Variants in ATXN7 observed in about 807,000 individuals in gnomAD.
The protein encoded by ATXN7 is ataxin 7, also known as ataxin-7.
ATXN7 carries 12 observed loss-of-function variants against 70.5 expected under a neutral mutation model. The ratio of observed to expected loss-of-function variants is 0.17; its 90% CI spans 0.11 to 0.28. ATXN7 has a LOEUF of 0.28. Among genes scored for constraint, ATXN7 ranks in the 10% least tolerant of loss-of-function variants. ATXN7 has a pLI of 1.00. For synonymous variants in ATXN7, 498 were observed against 448.7 expected, an observed-to-expected ratio of 1.11 and a Z score of -1.39; for missense variants, 1,256 against 1,131.7, an observed-to-expected ratio of 1.11 and a Z score of -1.58.
chr3:63,915,496 G>A (rs992537032), intron 4 of ATXN7, among the ~76,000 whole-genome samples: 1 of 152,164 alleles, frequency 6.6e-6, no homozygotes, highest in Non-Finnish European at 1.5e-5. Context: ...CTTCAGAAAT[G>A]AAAATACATT....
rs112104834 is a variant in ATXN7, at chr3:63,881,370, C to T, written c.-110-17029C>T. Among the ~76,000 whole-genome samples the T allele has an allele frequency of 4.6e-3, 701 of 152,206 alleles. 2 individuals are homozygous for T. The highest frequency in any genetic ancestry group is 7.8e-3 in the Non-Finnish European group (528 of 68,016). On this transcript the variant is annotated intron_variant, in intron 1 of 12. Coordinates refer to ENST00000674280, the MANE Select transcript of ATXN7 (RefSeq NM_001377405.1). ...CTGCCTATTTGAAGAGATAAGTGAC[C>T]TCTAAACTGATTTCTGAAGAAGTTA... is the stretch of plus-strand genomic sequence containing the variant.
intron 4 of ATXN7, among the ~76,000 whole-genome samples, chr3:63,951,122 A>G (rs1432580351): frequency 1.3e-5 from 2 of 152,102 alleles, no homozygotes; most frequent in Non-Finnish European, 1.5e-5. Context: ...TGTAGAAACT[A>G]CTCGGTGCTG....
At position 63,940,285 on chromosome 3, in the gene ATXN7, T is replaced by TCACACACACA. The variant is rs34660611; in HGVS notation, c.395-12061_395-12052dup. 2.1e-3 allele frequency among the ~76,000 whole-genome samples: 304 copies of TCACACACACA among 141,514 alleles called. 1 individual carries two copies. The highest frequency in any genetic ancestry group is 7.2e-3 in the African/African-American group (274 of 37,830). 92.8% of individuals were successfully genotyped at this position (141,514 alleles called of 152,430 possible). On this transcript the variant is annotated intron_variant, in intron 4 of 12. Transcript: ENST00000674280. ...GCTGGAGCATTGAGGCCATGCCCCA[T>TCACACACACA]CACACACACACACACACACACACAC...
intron 11 of ATXN7, among the ~76,000 whole-genome samples, chr3:63,994,478 A>G (rs879124323): frequency 6.6e-6 from 1 of 152,156 alleles, no homozygotes; most frequent in Non-Finnish European, 1.5e-5. Flanking sequence ...CAAGTGATCC[A>G]CCAGCCTCAG....
At chr3:63,960,834 G>C (rs1430825108) in intron 5 of ATXN7, among the ~76,000 whole-genome samples, 6 of 151,856 alleles carry the variant, frequency 4.0e-5, no homozygotes, top group Non-Finnish European at 5.9e-5. Context: ...TTATTGCAGT[G>C]ATGCCAAGTT....
intron 1 of ATXN7, among the ~76,000 whole-genome samples, chr3:63,877,297 T>C (rs1452864911): frequency 6.6e-6 from 1 of 152,082 alleles, no homozygotes; most frequent in African/African-American, 2.4e-5. Context: ...TAGAAGGAAA[T>C]AAAAGTTACT....
intron 12 of ATXN7, chr3:63,997,706 A>T: frequency 1.3e-6 from 2 of 1,550,572 alleles, no homozygotes; most frequent in South Asian, 1.2e-5. Context: ...CTTTTTCATG[A>T]TTTTTTTTCC....
chr3:63,863,533 C>G, upstream of ATXN7: 1 of 1,192,658 alleles, frequency 8.4e-7, no homozygotes, highest in Non-Finnish European at 1.0e-6. Flanking sequence ...TCCGGGAGAG[C>G]GGACGGGGAA....
intron 4 of ATXN7, among the ~76,000 whole-genome samples, chr3:63,938,761 G>C (rs1434753812): frequency 6.6e-6 from 1 of 152,192 alleles, no homozygotes; most frequent in Non-Finnish European, 1.5e-5. Flanking sequence ...GCATTAAGTT[G>C]ATGTGTATGA....
chr3:63,863,612 A>C, upstream of ATXN7: 1 of 1,194,872 alleles, frequency 8.4e-7, no homozygotes. Context: ...GCAGCCGGGG[A>C]GGCCCGGGGC....
intron 1 of ATXN7, among the ~76,000 whole-genome samples, chr3:63,869,018 A>AT (rs1575828223): frequency 6.6e-6 from 1 of 152,260 alleles, no homozygotes; most frequent in Non-Finnish European, 1.5e-5. Context: ...AAGAGAGGGC[A>AT]TTATGAGTCA....
intron 5 of ATXN7, among the ~76,000 whole-genome samples, chr3:63,969,223 C>T (rs2075273535): frequency 6.6e-6 from 1 of 152,110 alleles, no homozygotes; most frequent in Admixed American, 6.5e-5. Context: ...AGGCTGTGTT[C>T]AAAATGTGAG....
At chr3:63,900,731 GAGA>G (rs1456212795) in intron 2 of ATXN7, 2 of 152,376 alleles carry the variant, frequency 1.3e-5, no homozygotes, top group South Asian at 2.1e-4. Flanking sequence ...GGAGGAAAAG[GAGA>G]AGAATAGGAG....
intron 1 of ATXN7, among the ~76,000 whole-genome samples, chr3:63,882,702 A>C (rs1702951932): frequency 6.6e-6 from 1 of 152,120 alleles, no homozygotes; most frequent in Non-Finnish European, 1.5e-5. Context: ...CTCTTAAATG[A>C]ATATGTGTTG....
intron 4 of ATXN7, among the ~76,000 whole-genome samples, chr3:63,940,534 A>G (rs2074740324): frequency 6.6e-6 from 1 of 152,238 alleles, no homozygotes; most frequent in Non-Finnish European, 1.5e-5. Context: ...CTGAGTCATG[A>G]GATTATAATC....
At chr3:63,995,378 G>A (rs1305997269) in intron 11 of ATXN7, 127 bp from the exon 12 acceptor site, 5 of 1,012,572 alleles carry the variant, frequency 4.9e-6, no homozygotes, top group South Asian at 4.7e-5. Flanking sequence ...GATTGGCTTT[G>A]TAGTTCAGAG....
intron 4 of ATXN7, among the ~76,000 whole-genome samples, chr3:63,920,390 T>C (rs1029136383): frequency 6.6e-6 from 1 of 152,148 alleles, no homozygotes; most frequent in Non-Finnish European, 1.5e-5. Context: ...AAAAGTGAGG[T>C]AGCCCGCTAA....
intron 4 of ATXN7, among the ~76,000 whole-genome samples, chr3:63,913,468 G>A (rs1704141753): frequency 6.6e-6 from 1 of 152,152 alleles, no homozygotes; most frequent in African/African-American, 2.4e-5. Flanking sequence ...GGTGATGAGC[G>A]CTGGGAACCG....
At chr3:63,869,622 G>A (rs1295888368) in intron 1 of ATXN7, among the ~76,000 whole-genome samples, 3 of 151,990 alleles carry the variant, frequency 2.0e-5, no homozygotes, top group Non-Finnish European at 4.4e-5. Context: ...ATGGGGTTTC[G>A]CCATGCTGGC....
Sources: allele counts gnomAD v4.1 joint callset (sites outside exome capture counted in the v4.1 genomes callset), GRCh38; gene constraint gnomAD v4.1.1; transcripts MANE v1.5; gene names NCBI Gene and HGNC (gene_info 2026-07-23, HGNC 2026-07-21).